Variants in PRP4K observed in about 807,000 individuals in gnomAD.
The protein encoded by PRP4K is pre-mRNA processing factor kinase PRP4K, also known as serine/threonine-protein kinase PRP4 homolog.
At chr6:4,032,419 A>G in the PRP4K span, 1 of 1,614,166 alleles carries the variant, frequency 6.2e-7, no homozygotes, top group South Asian at 1.1e-5. Context: ...TTAAGAGGTA[A>G]ATCCAAAGAC....
At chr6:4,053,699 G>T in the PRP4K span, among the ~76,000 whole-genome samples, 1 of 152,074 alleles carries the variant, frequency 6.6e-6, no homozygotes, top group African/African-American at 2.4e-5. Context: ...AGTTTGGGTC[G>T]TGTTCGCAAC....
the PRP4K span, chr6:4,021,458 G>A: frequency 1.9e-6 from 3 of 1,584,222 alleles, no homozygotes; most frequent in Non-Finnish European, 2.6e-6. Context: ...CGCTACGGGA[G>A]CAGCCAGAGT....
At chr6:4,026,457 T>C in the PRP4K span, among the ~76,000 whole-genome samples, 1 of 151,940 alleles carries the variant, frequency 6.6e-6, no homozygotes, top group Non-Finnish European at 1.5e-5. Context: ...CATCCGCCAT[T>C]ATGCCCGGCT....
chr6:4,021,812 C>T, the PRP4K span, among the ~76,000 whole-genome samples: 1 of 152,168 alleles, frequency 6.6e-6, no homozygotes, highest in Non-Finnish European at 1.5e-5. Flanking sequence ...AGCTCCCTGG[C>T]CGCAGCTCTT....
chr6:4,035,437 G>C, the PRP4K span, among the ~76,000 whole-genome samples: 2 of 151,510 alleles, frequency 1.3e-5, no homozygotes, highest in Non-Finnish European at 2.9e-5. Context: ...GTGAGCCACC[G>C]CACCCAGCCC....
the PRP4K span, among the ~76,000 whole-genome samples, chr6:4,058,123 G>T: frequency 1.3e-5 from 2 of 152,244 alleles, no homozygotes; most frequent in Admixed American, 1.3e-4. Context: ...CAGTTCTCCT[G>T]CCTCAGTCTC....
the PRP4K span, among the ~76,000 whole-genome samples, chr6:4,025,563 C>T: frequency 6.6e-6 from 1 of 152,136 alleles, no homozygotes; most frequent in Non-Finnish European, 1.5e-5. Context: ...TTAGCAGGAA[C>T]CTACTCATTA....
At chr6:4,047,488 A>G in the PRP4K span, among the ~76,000 whole-genome samples, 2 of 152,338 alleles carry the variant, frequency 1.3e-5, no homozygotes, top group East Asian at 1.9e-4. Flanking sequence ...ACCAAATGAT[A>G]AACATGTCAT....
the PRP4K span, among the ~76,000 whole-genome samples, chr6:4,039,999 G>A: frequency 6.6e-6 from 1 of 151,758 alleles, no homozygotes; most frequent in African/African-American, 2.4e-5. Flanking sequence ...CTGGGCTCAA[G>A]GAATCCTCCC....
chr6:4,035,226 C>T, the PRP4K span, among the ~76,000 whole-genome samples: 1 of 148,264 alleles, frequency 6.7e-6, no homozygotes, highest in Non-Finnish European at 1.5e-5. Context: ...AAGCAATTCT[C>T]CTGCCTCAGC....
the PRP4K span, among the ~76,000 whole-genome samples, chr6:4,034,599 T>C: frequency 1.3e-5 from 2 of 152,218 alleles, no homozygotes; most frequent in African/African-American, 4.8e-5. Flanking sequence ...TACCATATAG[T>C]ATTTTGTCAC....
chr6:4,026,824 G>A, the PRP4K span, among the ~76,000 whole-genome samples: 1 of 152,246 alleles, frequency 6.6e-6, no homozygotes, highest in Non-Finnish European at 1.5e-5. Context: ...TGTGTGCAGT[G>A]GAGTGGTTTT....
chr6:4,039,385 C>T, the PRP4K span, among the ~76,000 whole-genome samples: 8 of 152,172 alleles, frequency 5.3e-5, no homozygotes, highest in African/African-American at 1.7e-4. Context: ...GTAGAGTTCT[C>T]TTCCTTCATA....
chr6:4,041,430 G>A, the PRP4K span, among the ~76,000 whole-genome samples: 707 of 152,300 alleles, frequency 4.6e-3, 3 homozygotes, highest in Middle Eastern at 0.017. Context: ...AGGCCTGGTG[G>A]CACACGCCTG....
At chr6:4,044,928 T>C in the PRP4K span, among the ~76,000 whole-genome samples, 1 of 150,870 alleles carries the variant, frequency 6.6e-6, no homozygotes, top group African/African-American at 2.4e-5. Context: ...AGTGGCGCGA[T>C]CTCAGCTCAC....
At chr6:4,049,725 T>C in the PRP4K span, 1 of 1,604,936 alleles carries the variant, frequency 6.2e-7, no homozygotes, top group African/African-American at 1.3e-5. Flanking sequence ...TCAATTTGCC[T>C]TTTTAGGTGT....
At chr6:4,024,735 T>G in the PRP4K span, among the ~76,000 whole-genome samples, 1 of 152,118 alleles carries the variant, frequency 6.6e-6, no homozygotes, top group Non-Finnish European at 1.5e-5. Flanking sequence ...CCCGAGTAGC[T>G]GGGATTACAG....
the PRP4K span, chr6:4,040,915 C>T: frequency 3.7e-6 from 6 of 1,612,856 alleles, no homozygotes; most frequent in South Asian, 2.2e-5. Context: ...CAGGAATCTT[C>T]GTCTGATGAT....
At chr6:4,028,784 C>T in the PRP4K span, among the ~76,000 whole-genome samples, 10 of 151,960 alleles carry the variant, frequency 6.6e-5, no homozygotes, top group Admixed American at 3.3e-4. Flanking sequence ...TTTTTCACTC[C>T]CCCTCATTGT....
Sources: gnomAD v4.1 joint callset for allele counts (sites outside exome capture counted in the v4.1 genomes callset) on GRCh38, gnomAD v4.1.1 for gene constraint, MANE v1.5 for transcripts, NCBI Gene and HGNC (gene_info 2026-07-23, HGNC 2026-07-21) for gene names.